The following SLC3A1 variants were observed in gnomAD, a reference collection of about 807,000 sequenced individuals.
SLC3A1 encodes the protein amino acid transporter heavy chain SLC3A1.
In SLC3A1, 78 loss-of-function variants were observed where a neutral mutation model predicts 60.3. That is an observed-to-expected ratio of 1.29 (90% CI 1.08 to 1.56). The LOEUF (loss-of-function observed/expected upper bound fraction) is 1.56, where lower values mean the gene tolerates loss of function less well. Among genes scored for constraint, SLC3A1 ranks in the 40% most tolerant of loss-of-function variants. SLC3A1 has a pLI of 0.00. For synonymous variants in SLC3A1, 392 were observed against 307.9 expected, an observed-to-expected ratio of 1.27 and a Z score of -2.86; for missense variants, 1,172 against 858.9, an observed-to-expected ratio of 1.36 and a Z score of -4.56.
In SLC3A1 at chr2:44,304,164, T is replaced by A. The variant is rs752531984; in HGVS notation, c.1158T>A (p.Tyr386Ter). Residue 386 changes from tyrosine (Y) to a stop codon, truncating the protein, a stop_gained, in exon 7 of 10, where the codon TAT becomes TAA. Transcript: ENST00000260649. LOFTEE classifies it high-confidence loss of function. ...ATAGGTTCATGGGGACTGAAGCCTA[T>A]GCAGAGAGTATTGACAGGACCGTGA... ...GRYRFMGTEAYAESIDRTVMY... is the reference protein window; with the variant it reads ...GRYRFMGTEA 3.1e-6 allele frequency: 5 copies of A among 1,614,162 alleles called. No individual in the cohort carries two copies. In the East Asian group the frequency reaches 1.1e-4, roughly 36 times the overall value.
intron 9 of SLC3A1, chr2:44,316,481 T>A (rs938920898): frequency 6.6e-6 from 1 of 151,930 alleles, no homozygotes; most frequent in South Asian, 2.1e-4. Context: ...TAAGAAAAAA[T>A]CGGGATACAT....
At chr2:44,297,789 G>C (rs1318538846) in intron 4 of SLC3A1, among the ~76,000 whole-genome samples, 1 of 152,172 alleles carries the variant, frequency 6.6e-6, no homozygotes, top group African/African-American at 2.4e-5. Flanking sequence ...TGTAGAGACA[G>C]GGTTTTGTCA....
chr2:44,279,713 AATAT>A (rs1018183783), intron 1 of SLC3A1, among the ~76,000 whole-genome samples: 8 of 152,280 alleles, frequency 5.3e-5, no homozygotes, highest in Admixed American at 3.9e-4. Flanking sequence ...TCAGTATAAA[AATAT>A]ATACATATTG....
At position 44,321,132 on chromosome 2, in the gene SLC3A1, T is replaced by C; in HGVS notation, c.*493T>C. ...CTACTCCACATCCTTCTAAGGAGCA[T>C]GATTTGAAAATTACTTTCCTAGGTT... On this transcript the variant is annotated 3_prime_UTR_variant, in exon 10 of 10. Coordinates refer to ENST00000260649, the MANE Select transcript of SLC3A1 (RefSeq NM_000341.4). 1.9e-6 allele frequency: 1 copy of C among 515,216 alleles called. No homozygotes were observed. Among genetic ancestry groups the C allele is most frequent in the Non-Finnish European group, 3.5e-6 (1 of 284,688 alleles). 31.9% of individuals were successfully genotyped at this position (515,216 alleles called of 1,614,324 possible).
chr2:44,282,685 G>GTGCAGTGGCTTGATCATGGCTTAC (rs1558454194), intron 3 of SLC3A1, among the ~76,000 whole-genome samples: 4 of 151,998 alleles, frequency 2.6e-5, no homozygotes. Context: ...CCAGGCTGGA[G>GTGCAGTGGCTTGATCATGGCTTAC]TGCAGTGGCT....
At chr2:44,301,165 T>C in intron 6 of SLC3A1, 38 bp downstream of exon 6, 1 of 1,613,810 alleles carries the variant, frequency 6.2e-7, no homozygotes, top group Non-Finnish European at 8.5e-7. Context: ...TTCCCAGGCT[T>C]AGTGTGTGAT....
chr2:44,314,169 T>C (rs1672367380), intron 9 of SLC3A1: 5 of 1,168,434 alleles, frequency 4.3e-6, no homozygotes, highest in Admixed American at 4.8e-5. Context: ...AAGTATCATA[T>C]AGAATATACA....
At position 44,300,029 on chromosome 2, in the gene SLC3A1, A is replaced by C. The variant is rs1279084874; in HGVS notation, c.950A>C (p.Lys317Thr). The change falls in exon 5 of 10, where the codon AAA becomes ACA. Residue 317 changes from lysine (K) to threonine (T), a missense_variant. Lys to Thr is a moderately conservative substitution (Grantham distance 78). Coordinates refer to ENST00000260649, the MANE Select transcript of SLC3A1 (RefSeq NM_000341.4). ...GVDGFSLDAV[K>T]FLLEAKHLRD... ...GATGGTTTTAGTTTGGATGCTGTTA[A>C]ATTCCTCCTAGAAGCAAAGCACCTG... is the stretch of plus-strand genomic sequence containing the variant. 6.2e-7 allele frequency: 1 copy of C among 1,613,872 alleles called. No individual in the cohort carries two copies. The highest frequency in any genetic ancestry group is 1.7e-5 in the Admixed American group (1 of 60,028).
At position 44,281,609 on chromosome 2, in the gene SLC3A1, T is replaced by TA. The variant is rs1671502140; in HGVS notation, c.765+72dup. 12 of 1,459,192 alleles carry TA rather than the reference T, an allele frequency of 8.2e-6. No homozygotes were observed. In the East Asian group the frequency reaches 2.7e-4, roughly 33 times the overall value. 90.4% of individuals were successfully genotyped at this position (1,459,192 alleles called of 1,614,324 possible). A position where few individuals can be genotyped will look rare whatever the true frequency, so the allele number is the denominator to read the frequency against. The stretch of plus-strand genomic sequence containing the variant: ...ATATGTAGTGATTGAACTGATTTAG[T>TA]AAAACCCTTTTGAGGGAAAAATGAA... On this transcript the variant is annotated intron_variant, in intron 3 of 9. Coordinates refer to ENST00000260649, the MANE Select transcript of SLC3A1 (RefSeq NM_000341.4).
At chr2:44,315,653 C>CA (rs70965350) in intron 9 of SLC3A1, among the ~76,000 whole-genome samples, 9,315 of 52,642 alleles carry the variant, frequency 0.18, 2,125 homozygotes, top group African/African-American at 0.47. Context: ...AAGACCGCCT[C>CA]AAAAAAAAAA....
chr2:44,309,446 T>C (rs1451863984), intron 7 of SLC3A1, among the ~76,000 whole-genome samples: 1 of 152,236 alleles, frequency 6.6e-6, no homozygotes. Context: ...TAACACGTTA[T>C]CTATTCATCT....
chr2:44,298,669 C>T (rs1364617572), intron 4 of SLC3A1, among the ~76,000 whole-genome samples: 13 of 152,008 alleles, frequency 8.6e-5, no homozygotes, highest in South Asian at 2.1e-4. Context: ...TGAGCCGCTG[C>T]GCCCGGACTA....
chr2:44,292,980 T>C (rs1671772310), intron 4 of SLC3A1, among the ~76,000 whole-genome samples: 2 of 151,664 alleles, frequency 1.3e-5, no homozygotes, highest in Non-Finnish European at 2.9e-5. Flanking sequence ...GGGAGGAGGA[T>C]GGTGCAGTAA....
intron 7 of SLC3A1, among the ~76,000 whole-genome samples, chr2:44,311,219 T>C (rs1672287419): frequency 1.3e-5 from 2 of 152,270 alleles, no homozygotes; most frequent in Admixed American, 1.3e-4. Flanking sequence ...TTAGCTATTG[T>C]ACTTTTTAAC....
chr2:44,285,932 T>C (rs1346543215), intron 3 of SLC3A1, 100 bp from the exon 4 acceptor site: 10 of 1,470,940 alleles, frequency 6.8e-6, no homozygotes, highest in South Asian at 1.1e-5. Context: ...ACTCTCAGGA[T>C]TTACATACTC....
At position 44,320,368 on chromosome 2, in the gene SLC3A1, T is replaced by C. The variant is rs984728184; in HGVS notation, c.1787T>C (p.Val596Ala). 1.9e-6 allele frequency: 3 copies of C among 1,613,962 alleles called. No homozygotes were observed. Among genetic ancestry groups the C allele is most frequent in the Non-Finnish European group, 2.5e-6 (3 of 1,179,976 alleles). Residue 596 changes from valine (V) to alanine (A), a missense_variant, in exon 10 of 10, where the codon GTT (valine) becomes GCT (alanine). Coordinates refer to ENST00000260649, the MANE Select transcript of SLC3A1 (RefSeq NM_000341.4). Reference sequence around the variant, plus strand: ...GGCATCGACAGAATCTTTATCGTGGTTCTGAATTTTGGAGAATCAACACTG... The same window carrying C: ...GGCATCGACAGAATCTTTATCGTGGCTCTGAATTTTGGAGAATCAACACTG... ...LDGIDRIFIVVLNFGESTLLN... is the reference protein window; with the variant it reads ...LDGIDRIFIVALNFGESTLLN...
chr2:44,280,638 T>C, intron 1 of SLC3A1, 78 bp from the exon 2 acceptor site: 2 of 980,510 alleles, frequency 2.0e-6, no homozygotes, highest in South Asian at 1.4e-5. Context: ...ATTTCTATCT[T>C]AGGCATATTT....
intron 7 of SLC3A1, among the ~76,000 whole-genome samples, chr2:44,307,191 T>C (rs574564141): frequency 6.6e-6 from 1 of 152,358 alleles, no homozygotes; most frequent in Admixed American, 6.5e-5. Flanking sequence ...TCGTTCCTTT[T>C]TATGGCTGAA....
chr2:44,275,486 C>T lies in SLC3A1; in HGVS notation c.-50C>T, dbSNP rs1224579228. On this transcript the variant is annotated 5_prime_UTR_variant, in exon 1 of 10. Transcript: ENST00000260649. ...ACCAAGCATTCAGCAAGCCACTCTT[C>T]CACCTCCCTTACTGCAGGAAGGCAC... 1 of 1,473,364 alleles carries T rather than the reference C, an allele frequency of 6.8e-7. No homozygotes were observed. Among genetic ancestry groups the T allele is most frequent in the Non-Finnish European group, 9.5e-7 (1 of 1,057,282 alleles). 91.3% of individuals were successfully genotyped at this position (1,473,364 alleles called of 1,614,324 possible). A position where few individuals can be genotyped will look rare whatever the true frequency, so the allele number is the denominator to read the frequency against.
Sources: allele counts gnomAD v4.1 joint callset (sites outside exome capture counted in the v4.1 genomes callset), GRCh38; gene constraint gnomAD v4.1.1; transcripts MANE v1.5; gene names NCBI Gene and HGNC (gene_info 2026-07-23, HGNC 2026-07-21).